PTK2: variants seen among roughly 807,000 people sequenced by gnomAD.
The protein encoded by PTK2 is focal adhesion kinase 1.
In PTK2, 45 loss-of-function variants were observed where a neutral mutation model predicts 150.1. That is an observed-to-expected ratio of 0.30 (90% confidence interval 0.24 to 0.38). The LOEUF (loss-of-function observed/expected upper bound fraction) is 0.38. PTK2 is among the 10% of genes least tolerant of loss of function. The pLI is 1.00. For synonymous variants in PTK2, 432 were observed against 449.2 expected, an observed-to-expected ratio of 0.96 and a Z score of 0.48; for missense variants, 919 against 1,307.3, an observed-to-expected ratio of 0.70 and a Z score of 4.58.
intron 1 of PTK2, among the ~76,000 whole-genome samples, chr8:140,961,570 G>A (rs1297548822): frequency 1.3e-5 from 2 of 151,962 alleles, no homozygotes; most frequent in East Asian, 3.9e-4. Context: ...GCTGAGGCAG[G>A]AGAATGGCGT....
At chr8:140,803,176 G>A (rs1370355035) in intron 11 of PTK2, among the ~76,000 whole-genome samples, 1 of 151,636 alleles carries the variant, frequency 6.6e-6, no homozygotes, top group Non-Finnish European at 1.5e-5. Context: ...CACCATGCCT[G>A]GCTTATCTTT....
intron 5 of PTK2, among the ~76,000 whole-genome samples, chr8:140,862,398 C>T (rs2100136741): frequency 6.6e-6 from 1 of 152,080 alleles, no homozygotes; most frequent in Non-Finnish European, 1.5e-5. Flanking sequence ...TACATGAGAA[C>T]CAGTCTGTAA....
intron 4 of PTK2, among the ~76,000 whole-genome samples, chr8:140,869,187 G>A (rs2154606367): frequency 8.1e-6 from 1 of 122,966 alleles, no homozygotes; most frequent in Non-Finnish European, 1.6e-5. Context: ...GAGTTGTACA[G>A]CCACAGACCC....
chr8:140,905,339 G>T (rs941761843), intron 2 of PTK2, among the ~76,000 whole-genome samples: 2 of 133,586 alleles, frequency 1.5e-5, no homozygotes, highest in African/African-American at 5.0e-5. Flanking sequence ...TATTTACCAA[G>T]CACATGGAAA....
chr8:140,912,686 C>T (rs2100163687), intron 2 of PTK2, among the ~76,000 whole-genome samples: 1 of 151,912 alleles, frequency 6.6e-6, no homozygotes, highest in Admixed American at 6.6e-5. Flanking sequence ...ATCAGCTGGG[C>T]ACAGTGGCTC....
chr8:140,668,739 C>T, intron 29 of PTK2: 1 of 218,060 alleles, frequency 4.6e-6, no homozygotes, highest in Non-Finnish European at 9.1e-6. Context: ...AATCATTTAC[C>T]ACAAGATAAT....
rs568866774 is a variant in PTK2 at position 140,951,291 on chromosome 8, C to T, written c.-121-25542G>A. On this transcript the variant is annotated intron_variant, in intron 1 of 31. Transcript: ENST00000522684. ...TTAAAAACAAGGCAAGGACCAAGAA[C>T]CAACTCCGCCAAAGCTAGCTGCTTC... Among the ~76,000 whole-genome samples the T allele has an allele frequency of 3.3e-5, 5 of 152,324 alleles. No homozygotes were observed. The East Asian group carries it at 5.8e-4, about 18-fold the overall frequency.
At chr8:140,871,323 T>G (rs2100142368) in intron 4 of PTK2, among the ~76,000 whole-genome samples, 1 of 152,190 alleles carries the variant, frequency 6.6e-6, no homozygotes, top group African/African-American at 2.4e-5. Context: ...ATATGGAAAT[T>G]TATTGACCAA....
At chr8:140,715,166 T>G (rs866651746) in intron 23 of PTK2, among the ~76,000 whole-genome samples, 15,414 of 96,392 alleles carry the variant, frequency 0.16, 4,121 homozygotes, top group Non-Finnish European at 0.23. Flanking sequence ...TTTTTTTTTT[T>G]TTTTTTTTTT....
chr8:140,957,895 G>C (rs2100181737), intron 1 of PTK2, among the ~76,000 whole-genome samples: 1 of 152,080 alleles, frequency 6.6e-6, no homozygotes, highest in African/African-American at 2.4e-5. Context: ...ATCACCTAAT[G>C]CATTTCCTGT....
In PTK2 at chr8:140,910,323, C is replaced by CT. The variant is rs199980727; in HGVS notation, c.-33+15337dup. 4.5e-3 allele frequency among the ~76,000 whole-genome samples: 676 copies of CT among 150,764 alleles called. 4 individuals are homozygous for CT. Among genetic ancestry groups the CT allele is most frequent in the African/African-American group, 0.015 (635 of 41,124 alleles). On this transcript the variant is annotated intron_variant, in intron 2 of 31. Coordinates refer to ENST00000522684, the Ensembl canonical transcript of PTK2. The stretch of plus-strand genomic sequence containing the variant: ...ACAAGGTTCTGGATTTTTCCCTTGC[C>CT]TTTTTTTTTAATATGAAAGACTACA...
intron 14 of PTK2, among the ~76,000 whole-genome samples, chr8:140,781,284 T>C (rs1198379488): frequency 6.6e-6 from 1 of 152,206 alleles, no homozygotes; most frequent in Non-Finnish European, 1.5e-5. Flanking sequence ...GCTTTTTGTG[T>C]TTTAATAATA....
chr8:140,916,789 A>C (rs764112392), intron 2 of PTK2, among the ~76,000 whole-genome samples: 13 of 152,356 alleles, frequency 8.5e-5, no homozygotes, highest in Non-Finnish European at 1.3e-4. Context: ...TTAAGAATAC[A>C]GGCACTGCAG....
chr8:140,698,521 T>C (rs911654157), intron 26 of PTK2, among the ~76,000 whole-genome samples: 1 of 152,188 alleles, frequency 6.6e-6, no homozygotes, highest in Non-Finnish European at 1.5e-5. Context: ...TGGTACCATC[T>C]TGGCTCACTG....
chr8:140,963,627 A>G (rs1017847957), intron 1 of PTK2, among the ~76,000 whole-genome samples: 3 of 152,220 alleles, frequency 2.0e-5, no homozygotes, highest in Non-Finnish European at 4.4e-5. Flanking sequence ...GACCTTTCCT[A>G]AAACAAATTA....
At chr8:140,833,636 CTTT>C (rs970034376) in intron 7 of PTK2, among the ~76,000 whole-genome samples, 112 of 152,288 alleles carry the variant, frequency 7.4e-4, no homozygotes, top group African/African-American at 2.6e-3. Flanking sequence ...TAAAAACCTT[CTTT>C]GAGCCCAAAC....
At chr8:140,674,060 C>T in intron 29 of PTK2, 1 of 656,956 alleles carries the variant, frequency 1.5e-6, no homozygotes, top group Non-Finnish European at 2.8e-6. Flanking sequence ...GACTGAATTC[C>T]TAAAATCTAT....
intron 27 of PTK2, among the ~76,000 whole-genome samples, chr8:140,683,677 T>C (rs1347782548): frequency 6.6e-6 from 1 of 151,632 alleles, no homozygotes; most frequent in Admixed American, 6.6e-5. Context: ...GCTTCACCCC[T>C]GGGATGCAAG....
At chr8:140,777,491 C>T (rs2100079127) in intron 14 of PTK2, among the ~76,000 whole-genome samples, 1 of 152,226 alleles carries the variant, frequency 6.6e-6, no homozygotes, top group South Asian at 2.1e-4. Flanking sequence ...CCACCAGGCC[C>T]CACCTCCAAA....
Sources: allele counts gnomAD v4.1 joint callset (sites outside exome capture counted in the v4.1 genomes callset), GRCh38; gene constraint gnomAD v4.1.1; transcripts MANE v1.5; gene names NCBI Gene and HGNC (gene_info 2026-07-23, HGNC 2026-07-21).